STAB2: variants seen among roughly 807,000 people sequenced by gnomAD.
STAB2 encodes stabilin-2.
A neutral mutation model predicts 338.1 loss-of-function variants in STAB2; 288 were observed. The ratio of observed to expected loss-of-function variants is 0.85; its 90% CI spans 0.77 to 0.94. STAB2 has a LOEUF of 0.94. STAB2 is among the 40% of genes least tolerant of loss of function. STAB2 has a pLI of 0.00. For missense variants in STAB2, 3,141 were observed against 3,210.1 expected (o/e 0.98, Z 0.52); for synonymous variants, 1,202 against 1,193.3 (o/e 1.01, Z -0.15).
chr12:103,648,894 G>T lies in STAB2; in HGVS notation c.1174+71G>T. 3 of 1,569,582 alleles carry T rather than the reference G, an allele frequency of 1.9e-6. No individual in the cohort carries two copies. The South Asian group carries it at 3.6e-5, about 19-fold the overall frequency. ...GGAAAGGGCATCTGCAAGATACAAT[G>T]ATTCAGAAAGGGACAGGCGAGCCTT... is the stretch of plus-strand genomic sequence containing the variant. On this transcript the variant is annotated intron_variant, in intron 10 of 68. Transcript: ENST00000388887.
intron 33 of STAB2, among the ~76,000 whole-genome samples, chr12:103,697,291 A>C (rs946022428): frequency 2.0e-5 from 3 of 152,204 alleles, no homozygotes; most frequent in Non-Finnish European, 4.4e-5. Context: ...AGGCAGGGAG[A>C]GTGTCCTAAA....
chr12:103,594,233 T>C lies in STAB2; in HGVS notation c.216-162T>C, dbSNP rs528315831. Among the ~76,000 whole-genome samples, 4 of 152,358 alleles carry C rather than the reference T, an allele frequency of 2.6e-5. No homozygotes were observed. The South Asian group carries it at 8.3e-4, about 32-fold the overall frequency. On this transcript the variant is annotated intron_variant, in intron 2 of 68. Coordinates refer to ENST00000388887, the MANE Select transcript of STAB2 (RefSeq NM_017564.10). ...CAGTTCTTACAATTAAAAATAATCA[T>C]AATTAAGTTTTATGCTACCTAGAAA...
At position 103,642,917 on chromosome 12, in the gene STAB2, A is replaced by G. The variant is rs12310140; in HGVS notation, c.1040+2661A>G. Among the ~76,000 whole-genome samples, 1,032 of 152,284 alleles carry G rather than the reference A, an allele frequency of 6.8e-3. 10 individuals carry two copies. Among genetic ancestry groups the G allele is most frequent in the African/African-American group, 0.024 (985 of 41,550 alleles). On this transcript the variant is annotated intron_variant, in intron 9 of 68. Transcript: ENST00000388887. The stretch of plus-strand genomic sequence containing the variant: ...GATAAGCCAGCATTATCTCCACCAT[A>G]CTTGTGAATATACCCTTGCCTCAGG...
chr12:103,660,233 T>C, intron 15 of STAB2, 98 bp from the exon 16 acceptor site: 1 of 1,301,006 alleles, frequency 7.7e-7, no homozygotes, highest in East Asian at 2.3e-5. Context: ...TTATGGGTCA[T>C]TTTTCTTGAT....
At chr12:103,758,950 G>C (rs1333947761) in intron 64 of STAB2, among the ~76,000 whole-genome samples, 183 bp from the exon 65 acceptor site, 1 of 152,136 alleles carries the variant, frequency 6.6e-6, no homozygotes, top group Admixed American at 6.5e-5. Context: ...CCTAGCTATA[G>C]GTGGCCTCTG....
chr12:103,688,513 C>T (rs1188361127), intron 28 of STAB2, among the ~76,000 whole-genome samples: 4 of 152,178 alleles, frequency 2.6e-5, no homozygotes, highest in Non-Finnish European at 4.4e-5. Flanking sequence ...TGTAAGTTAA[C>T]ATGACTCATC....
At chr12:103,719,869 T>A (rs1440007920) in intron 44 of STAB2, among the ~76,000 whole-genome samples, 1 of 152,222 alleles carries the variant, frequency 6.6e-6, no homozygotes, top group Non-Finnish European at 1.5e-5. Context: ...ACTCAAGACC[T>A]GCACCCTTGA....
chr12:103,685,483 T>C (rs1401822768), intron 27 of STAB2, among the ~76,000 whole-genome samples: 1 of 150,688 alleles, frequency 6.6e-6, no homozygotes. Context: ...CGTGCGCGCA[T>C]GTGTGTGTGT....
At chr12:103,608,444 T>C (rs1052195080) in intron 3 of STAB2, among the ~76,000 whole-genome samples, 1 of 152,206 alleles carries the variant, frequency 6.6e-6, no homozygotes, top group African/African-American at 2.4e-5. Context: ...GCCCAGCCTA[T>C]GATAAGCATT....
At chr12:103,606,996 A>G (rs1004112870) in intron 3 of STAB2, among the ~76,000 whole-genome samples, 1 of 152,160 alleles carries the variant, frequency 6.6e-6, no homozygotes, top group African/African-American at 2.4e-5. Context: ...AAACAAAACA[A>G]AAAACAAAAA....
At chr12:103,617,235 G>T (rs703611) in intron 3 of STAB2, among the ~76,000 whole-genome samples, 125,030 of 152,182 alleles carry the variant, frequency 0.82, 52,096 homozygotes, top group East Asian at 1. Flanking sequence ...AACTCTCTCC[G>T]CACTAGACTG....
At position 103,594,453 on chromosome 12, in the gene STAB2, A is replaced by G. The variant is rs760726615; in HGVS notation, c.274A>G (p.Arg92Gly). 3.9e-5 allele frequency: 63 copies of G among 1,613,862 alleles called. No individual in the cohort carries two copies. Among genetic ancestry groups the G allele is most frequent in the Non-Finnish European group, 5.2e-5 (61 of 1,179,894 alleles). ...LSLPGCRHIC[R>G]KDYLQPRCCP... is the part of the protein sequence containing the mutation. Reference sequence around the variant, plus strand: ...TCTCCCCGGATGCCGCCATATTTGTAGGAAGGACTATCTCCAACCTCGGTG... The same window carrying G: ...TCTCCCCGGATGCCGCCATATTTGTGGGAAGGACTATCTCCAACCTCGGTG... Residue 92 changes from arginine to glycine, a missense_variant, in exon 3 of 69, where the codon AGG becomes GGG. Physicochemically the swap from Arg to Gly is moderately radical, Grantham distance 125. Coordinates refer to ENST00000388887, the MANE Select transcript of STAB2 (RefSeq NM_017564.10).
intron 11 of STAB2, among the ~76,000 whole-genome samples, chr12:103,651,020 G>A (rs780087082): frequency 6.6e-6 from 1 of 152,128 alleles, no homozygotes; most frequent in East Asian, 1.9e-4. Flanking sequence ...TGGTACAAGC[G>A]ATAAGGAAAA....
chr12:103,745,282 G>A lies in STAB2; in HGVS notation c.6136+5G>A, dbSNP rs967411560. On this transcript the variant is annotated splice_donor_5th_base_variant and intron_variant, in intron 57 of 68. Transcript: ENST00000388887. Reference sequence around the variant, plus strand: ...CCTCGTGTGACACTCAGGCAGGTCAGTCATGGGAGTGGTCAGCTGCTGGCA... The same window carrying A: ...CCTCGTGTGACACTCAGGCAGGTCAATCATGGGAGTGGTCAGCTGCTGGCA... 6.2e-7 allele frequency: 1 copy of A among 1,612,112 alleles called. No individual in the cohort carries two copies. The highest frequency in any genetic ancestry group is 8.5e-7 in the Non-Finnish European group (1 of 1,179,570).
At chr12:103,624,512 A>C (rs939508327) in intron 5 of STAB2, among the ~76,000 whole-genome samples, 3 of 152,254 alleles carry the variant, frequency 2.0e-5, no homozygotes, top group Non-Finnish European at 4.4e-5. Context: ...TGCCTCCTTT[A>C]GAGAGGATTT....
chr12:103,640,027 G>A, intron 8 of STAB2, 96 bp from the exon 9 acceptor site: 1 of 1,445,860 alleles, frequency 6.9e-7, no homozygotes, highest in Non-Finnish European at 9.3e-7. Flanking sequence ...CTCTGAGTGA[G>A]TTTTTATGGA....
chr12:103,692,982 A>C, intron 31 of STAB2, 93 bp downstream of exon 31: 1 of 999,012 alleles, frequency 1.0e-6, no homozygotes, highest in Non-Finnish European at 1.5e-6. Flanking sequence ...ATAGAAAAAT[A>C]CTTAGCCTTA....
rs775078872 is a variant in STAB2 at position 103,728,894 on chromosome 12, TA to T, written c.4982del (p.Tyr1661SerfsTer14). The T allele has an allele frequency of 3.0e-5, 49 of 1,613,912 alleles. No individual in the cohort carries two copies. On this transcript the variant is annotated frameshift_variant, in exon 48 of 69. Transcript: ENST00000388887. LOFTEE classifies it high-confidence loss of function. ...KYGLMPQVLR[Y>X]HVVACHQLLL... ...CGGTTTAATGCCCCAGGTTCTTCGG[TA>T]CCATGTGGTCGCCTGCCACCAGCTG... is the stretch of plus-strand genomic sequence containing the variant.
chr12:103,636,342 C>T (rs149609465), intron 6 of STAB2, among the ~76,000 whole-genome samples: 1 of 151,932 alleles, frequency 6.6e-6, no homozygotes, highest in African/African-American at 2.4e-5. Context: ...TAAACTCTCA[C>T]TAGCTGATTT....
Sources: allele counts gnomAD v4.1 joint callset (sites outside exome capture counted in the v4.1 genomes callset), GRCh38; gene constraint gnomAD v4.1.1; transcripts MANE v1.5; gene names NCBI Gene and HGNC (gene_info 2026-07-23, HGNC 2026-07-21).